WFS1: variants seen among roughly 807,000 people sequenced by gnomAD.
The protein encoded by WFS1 is wolframin.
Under a neutral mutation model 68.5 loss-of-function variants are expected in WFS1, and 90 were observed. The observed-to-expected ratio is 1.31, with a 90% CI of 1.11 to 1.56. The LOEUF (loss-of-function observed/expected upper bound fraction) is 1.56, where lower values mean the gene tolerates loss of function less well. Among genes scored for constraint, WFS1 ranks in the 40% most tolerant of loss-of-function variants. WFS1 has a pLI of 0.00. For synonymous variants in WFS1, 860 were observed against 540.7 expected (o/e 1.59, Z -8.19); for missense variants, 1,767 against 1,232.6 (o/e 1.43, Z -6.49).
chr4:6,298,213 C>T (rs3821943), intron 7 of WFS1, among the ~76,000 whole-genome samples: 77,306 of 152,146 alleles, frequency 0.51, 20,616 homozygotes, highest in East Asian at 0.83. Flanking sequence ...AGCAGCCTGC[C>T]GGCTGACGCA....
chr4:6,271,419 G>A (rs1433869202), intron 1 of WFS1, among the ~76,000 whole-genome samples: 2 of 152,184 alleles, frequency 1.3e-5, no homozygotes, highest in African/African-American at 2.4e-5. Context: ...CAGGCTTCTG[G>A]GGCTGGTCAC....
chr4:6,302,548 C>G lies in WFS1; in HGVS notation c.*80C>G. On this transcript the variant is annotated 3_prime_UTR_variant, in exon 8 of 8. Transcript: ENST00000226760. ...GTGTGGCCCCAGCCCGACAGGCATG[C>G]ACCAGTGCCGCCTGTGCCCACGTGT... 2 of 1,589,470 alleles carry G rather than the reference C, an allele frequency of 1.3e-6. No individual in the cohort carries two copies. The highest frequency in any genetic ancestry group is 1.7e-6 in the Non-Finnish European group (2 of 1,170,710).
Position 6,301,027 on chromosome 4 carries a change from C to A in WFS1, c.1232C>A (p.Ser411Tyr). 1 of 1,614,170 alleles carries A rather than the reference C, an allele frequency of 6.2e-7. No homozygotes were observed. Among genetic ancestry groups the A allele is most frequent in the Non-Finnish European group, 8.5e-7 (1 of 1,180,026 alleles). Residue 411 changes from serine (S) to tyrosine (Y), a missense_variant, in exon 8 of 8, where the codon TCT becomes TAT. Transcript: ENST00000226760. Reference protein sequence around the residue: ...HLEPYAHFLLSVFFVIFSFPI... With the variant: ...HLEPYAHFLLYVFFVIFSFPI... ...GAGCCCTATGCCCATTTCCTGCTCT[C>A]TGTCTTCTTCGTCATCTTCTCCTTC...
At chr4:6,277,769 G>T in intron 2 of WFS1, 82 bp downstream of exon 2, 2 of 1,485,586 alleles carry the variant, frequency 1.3e-6, no homozygotes, top group Non-Finnish European at 1.8e-6. Flanking sequence ...CCCCTGGAGG[G>T]TCCCCCCGCC....
In WFS1 at chr4:6,296,742, C is replaced by T. The variant is rs77930030; in HGVS notation, c.861+1553C>T. On this transcript the variant is annotated intron_variant, in intron 7 of 7. Coordinates refer to ENST00000226760, the MANE Select transcript of WFS1 (RefSeq NM_006005.3). ...TGTAAGTACTATTATAATAATGCCT[C>T]CTTGCATATGCGTCCTGTTCGGAAA... is the stretch of plus-strand genomic sequence containing the variant. Among the ~76,000 whole-genome samples the T allele has an allele frequency of 4.4e-3, 675 of 152,362 alleles. 4 individuals carry two copies. Among genetic ancestry groups the T allele is most frequent in the Non-Finnish European group, 6.1e-3 (417 of 68,036 alleles).
At chr4:6,274,371 A>T (rs932064054) in intron 1 of WFS1, among the ~76,000 whole-genome samples, 2 of 151,672 alleles carry the variant, frequency 1.3e-5, no homozygotes, top group African/African-American at 4.8e-5. Flanking sequence ...TTAATGCCCA[A>T]TAGTTTGCTT....
chr4:6,291,964 A>G lies in WFS1; in HGVS notation c.679A>G (p.Arg227Gly). ...CGTGCCCAAGTCCCTGCAGAAGCAGAGGCGCATGCTGGAGCGCCTGGTCAG... is the reference window on the plus strand; with the variant it reads ...CGTGCCCAAGTCCCTGCAGAAGCAGGGGCGCATGCTGGAGCGCCTGGTCAG... ...GPVPKSLQKQ[R>G]RMLERLVSSE... The change falls in exon 6 of 8, where the codon AGG becomes GGG. Residue 227 changes from arginine (R) to glycine (G), a missense_variant. By Grantham distance (125) the Arg-to-Gly change is moderately radical. Coordinates refer to ENST00000226760, the MANE Select transcript of WFS1 (RefSeq NM_006005.3). 6.2e-7 allele frequency: 1 copy of G among 1,610,920 alleles called. No individual in the cohort carries two copies. Among genetic ancestry groups the G allele is most frequent in the Non-Finnish European group, 8.5e-7 (1 of 1,179,316 alleles).
chr4:6,302,829 CTTTCTTTT>C lies in WFS1; in HGVS notation c.*362_*369del. On this transcript the variant is annotated 3_prime_UTR_variant, in exon 8 of 8. Coordinates refer to ENST00000226760, the MANE Select transcript of WFS1 (RefSeq NM_006005.3). ...CCTTCAAGCACCCTGTTCCCTCTTT[CTTTCTTTT>C]GTGTTGGATTTGTTTAAAAACCAAA... The C allele has an allele frequency of 2.7e-6, 1 of 364,210 alleles. No homozygotes were observed. Among genetic ancestry groups the C allele is most frequent in the African/African-American group, 2.1e-5 (1 of 48,482 alleles). 22.6% of individuals were successfully genotyped at this position (364,210 alleles called of 1,614,324 possible). A position where few individuals can be genotyped will look rare whatever the true frequency, so the allele number is the denominator to read the frequency against.
intron 2 of WFS1, among the ~76,000 whole-genome samples, chr4:6,280,737 C>T (rs1578588447): frequency 6.6e-6 from 1 of 152,182 alleles, no homozygotes; most frequent in Non-Finnish European, 1.5e-5. Context: ...GGCACTCAGG[C>T]CTCCTGGGTA....
intron 4 of WFS1, among the ~76,000 whole-genome samples, chr4:6,290,282 CTT>C (rs2109115932): frequency 6.6e-6 from 1 of 152,330 alleles, no homozygotes; most frequent in African/African-American, 2.4e-5. Flanking sequence ...AGAGTCTTCT[CTT>C]TGAAAATTAA....
intron 6 of WFS1, among the ~76,000 whole-genome samples, chr4:6,292,365 G>A (rs1028285919): frequency 1.3e-5 from 2 of 152,132 alleles, no homozygotes; most frequent in South Asian, 2.1e-4. Context: ...GGGCATTAGG[G>A]GAAGGGGCTC....
At chr4:6,296,037 G>A (rs974323900) in intron 7 of WFS1, among the ~76,000 whole-genome samples, 1 of 152,206 alleles carries the variant, frequency 6.6e-6, no homozygotes, top group African/African-American at 2.4e-5. Context: ...CAGGCACCCT[G>A]GGGTTCTGTC....
In WFS1 at chr4:6,301,522, G is replaced by T; in HGVS notation, c.1727G>T (p.Gly576Val). The change falls in exon 8 of 8, where the codon GGC (glycine) becomes GTC (valine). Residue 576 changes from glycine (G) to valine (V), a missense_variant. Gly to Val is a moderately radical substitution (Grantham distance 109). Coordinates refer to ENST00000226760, the MANE Select transcript of WFS1 (RefSeq NM_006005.3). ...TTTGCCCTCCCCATCCTGGTGGCCG[G>T]CCTGGCCCTGGTGGGCGTGCTGCAG... ...FLFALPILVA[G>V]LALVGVLQFA... is the part of the protein sequence containing the mutation. 6.2e-7 allele frequency: 1 copy of T among 1,613,786 alleles called. No individual in the cohort carries two copies. The highest frequency in any genetic ancestry group is 1.1e-5 in the South Asian group (1 of 91,080).
Position 6,301,236 on chromosome 4 carries a change from C to T in WFS1, c.1441C>T (p.Leu481=), listed in dbSNP as rs727504663. Residue 481 remains leucine (L), a synonymous_variant, in exon 8 of 8, where the codon CTG becomes TTG. Transcript: ENST00000226760. ...CTCCATGCCCTTGAATTGGCCCTAC[C>T]TGAAGGTCCTTGGCCAGACCTTCAT... ...LPSMPLNWPY[L]KVLGQTFITV... is the part of the protein sequence containing the mutation. The T allele has an allele frequency of 2.4e-5, 39 of 1,611,610 alleles. No individual in the cohort carries two copies. The Admixed American group carries it at 6.3e-4, about 26-fold the overall frequency.
rs373896467 is a variant in WFS1 at position 6,295,208 on chromosome 4, G to T, written c.861+19G>T. On this transcript the variant is annotated intron_variant, in intron 7 of 7. Coordinates refer to ENST00000226760, the MANE Select transcript of WFS1 (RefSeq NM_006005.3). ...TCTGAAGGTGAGTGACCAAGACCCC[G>T]GTCAGGCCGGAGCCTGCCTCCCAAG... 5 of 1,610,424 alleles carry T rather than the reference G, an allele frequency of 3.1e-6. No homozygotes were observed. In the East Asian group the frequency reaches 6.7e-5, roughly 22 times the overall value.
intron 2 of WFS1, among the ~76,000 whole-genome samples, chr4:6,285,155 TTGC>T (rs1730276024): frequency 2.6e-5 from 4 of 151,284 alleles, no homozygotes; most frequent in Non-Finnish European, 5.9e-5. Flanking sequence ...TGTGCAAGAG[TTGC>T]GTCCAGGGAG....
At position 6,291,917 on chromosome 4, in the gene WFS1, A is replaced by G. The variant is rs2109117123; in HGVS notation, c.632A>G (p.Asp211Gly). The G allele has an allele frequency of 6.2e-7, 1 of 1,609,630 alleles. No homozygotes were observed. The highest frequency in any genetic ancestry group is 1.7e-4 in the Middle Eastern group (1 of 6,044). ...TGTTAATCCACCCTGTCCCCTGCAG[A>G]TGGAGGGGCGCAGCCAGGCCCCGTG... ...LENVGQVNEH[D>G]GGAQPGPVPK... The change falls in exon 6 of 8, where the codon GAT (aspartate) becomes GGT (glycine). Residue 211 changes from aspartate to glycine, a missense_variant and splice_region_variant. Physicochemically the swap from Asp to Gly is moderately conservative, Grantham distance 94 (BLOSUM62 -1). Transcript: ENST00000226760.
chr4:6,292,028 T>C, intron 6 of WFS1, 31 bp downstream of exon 6: 1 of 1,576,414 alleles, frequency 6.3e-7, no homozygotes, highest in Non-Finnish European at 8.6e-7. Flanking sequence ...GTCTCACCCA[T>C]GCCTCCCAGC....
intron 7 of WFS1, among the ~76,000 whole-genome samples, chr4:6,295,937 G>A (rs570144672): frequency 1.3e-5 from 2 of 152,356 alleles, no homozygotes; most frequent in South Asian, 4.1e-4. Context: ...ATTTCCAGAA[G>A]CTTGGCCTCC....
Sources: gnomAD v4.1 joint callset for allele counts (sites outside exome capture counted in the v4.1 genomes callset) on GRCh38, gnomAD v4.1.1 for gene constraint, MANE v1.5 for transcripts, NCBI Gene and HGNC (gene_info 2026-07-23, HGNC 2026-07-21) for gene names.